Variants in AP2S1 observed in about 807,000 individuals in gnomAD.
The protein encoded by AP2S1 is AP-2 complex subunit sigma.
Under a neutral mutation model 21.0 loss-of-function variants are expected in AP2S1, and 6 were observed. The observed-to-expected ratio is 0.29, with a 90% CI of 0.16 to 0.56. The LOEUF is 0.56. AP2S1 is among the 20% of genes least tolerant of loss of function. AP2S1 has a pLI of 0.92. For synonymous variants in AP2S1, 63 were observed against 74.6 expected, an observed-to-expected ratio of 0.84 and a Z score of 0.80; for missense variants, 60 against 186.2, an observed-to-expected ratio of 0.32 and a Z score of 3.95.
chr19:46,850,003 T>A, intron 1 of AP2S1: 11 of 812,544 alleles, frequency 1.4e-5, no homozygotes, highest in Non-Finnish European at 1.8e-5. Flanking sequence ...AAATCCAATG[T>A]TGAGTCTTTG....
At chr19:46,847,662 G>T (rs578154554) in intron 1 of AP2S1, among the ~76,000 whole-genome samples, 1 of 152,084 alleles carries the variant, frequency 6.6e-6, no homozygotes. Context: ...GGATGTGTCT[G>T]TTCTGGACAT....
chr19:46,839,439 C>CCCCAAAAAACCCAA, intron 3 of AP2S1, 26 bp downstream of exon 3: 2 of 1,569,704 alleles, frequency 1.3e-6, no homozygotes, highest in Non-Finnish European at 1.7e-6. Context: ...CCCGCCTCCC[C>CCCCAAAAAACCCAA]ACCTTACATC....
chr19:46,841,222 G>A (rs2122767833), intron 2 of AP2S1, among the ~76,000 whole-genome samples: 1 of 152,288 alleles, frequency 6.6e-6, no homozygotes, highest in South Asian at 2.1e-4. Flanking sequence ...CCAAAGTGCT[G>A]GGATTACAGG....
In AP2S1 at chr19:46,840,234, G is replaced by T. The variant is rs191360300; in HGVS notation, c.154-656C>A. The stretch of plus-strand genomic sequence containing the variant: ...CAAACATGCCAGGATCAGGGACATG[G>T]ATTCTCATTTTATGCGCGTGTTAAG... On this transcript the variant is annotated intron_variant, in intron 2 of 4. Transcript: ENST00000263270. Among the ~76,000 whole-genome samples, 223 of 152,012 alleles carry T rather than the reference G, an allele frequency of 1.5e-3. 1 individual carries two copies. The highest frequency in any genetic ancestry group is 5.1e-3 in the African/African-American group (212 of 41,440).
chr19:46,844,970 C>T (rs1004039810), intron 2 of AP2S1, among the ~76,000 whole-genome samples: 7 of 151,634 alleles, frequency 4.6e-5, no homozygotes, highest in Admixed American at 2.6e-4. Context: ...GGCGTGGTGG[C>T]GAGCACCTGT....
At chr19:46,841,860 A>G (rs2055527577) in intron 2 of AP2S1, among the ~76,000 whole-genome samples, 1 of 152,180 alleles carries the variant, frequency 6.6e-6, no homozygotes, top group Admixed American at 6.5e-5. Context: ...GGCTGCTAAT[A>G]AAGGAAAGCG....
intron 1 of AP2S1, among the ~76,000 whole-genome samples, chr19:46,849,005 C>G (rs565782372): frequency 3.1e-5 from 4 of 129,772 alleles, no homozygotes; most frequent in African/African-American, 1.2e-4. Context: ...GTCACTGTGC[C>G]CAGCCTTTTT....
chr19:46,850,571 T>G, intron 1 of AP2S1, 193 bp downstream of exon 1: 1 of 634,130 alleles, frequency 1.6e-6, no homozygotes, highest in Non-Finnish European at 2.7e-6. Flanking sequence ...GCGAGACCCC[T>G]GGTAACCCCC....
chr19:46,845,434 TAATTAATTC>T (rs1316975437), intron 2 of AP2S1, among the ~76,000 whole-genome samples: 44 of 150,084 alleles, frequency 2.9e-4, no homozygotes, highest in East Asian at 8.0e-4. Flanking sequence ...ATTAATTAAT[TAATTAATTC>T]AATTCAATCA....
intron 1 of AP2S1, chr19:46,850,001 T>C (rs1322215115): frequency 2.0e-5 from 16 of 792,378 alleles, no homozygotes; most frequent in East Asian, 3.4e-5. Context: ...CTAAATCCAA[T>C]GTTGAGTCTT....
intron 1 of AP2S1, among the ~76,000 whole-genome samples, chr19:46,847,673 T>C (rs2055661341): frequency 1.3e-5 from 2 of 152,138 alleles, no homozygotes; most frequent in African/African-American, 4.8e-5. Flanking sequence ...TTCTGGACAT[T>C]GTATATGAGT....
At chr19:46,841,108 C>G (rs2055513802) in intron 2 of AP2S1, among the ~76,000 whole-genome samples, 1 of 152,002 alleles carries the variant, frequency 6.6e-6, no homozygotes, top group Non-Finnish European at 1.5e-5. Context: ...TGTGCACCAC[C>G]ACGCCTGGCT....
In AP2S1 at chr19:46,846,229, G is replaced by C. The variant is rs1272949720; in HGVS notation, c.4-87C>G. Reference sequence around the variant, plus strand: ...CCCAACGGCCCCACCCATCCACCCAGAGGGGAGATAGGGCTCAGGGCCTCC... The same window carrying C: ...CCCAACGGCCCCACCCATCCACCCACAGGGGAGATAGGGCTCAGGGCCTCC... On this transcript the variant is annotated intron_variant, in intron 1 of 4. Coordinates refer to ENST00000263270, the MANE Select transcript of AP2S1 (RefSeq NM_004069.6). 17 of 1,537,350 alleles carry C rather than the reference G, an allele frequency of 1.1e-5. No homozygotes were observed. The South Asian group carries it at 1.9e-4, about 17-fold the overall frequency.
chr19:46,844,776 G>C (rs557017694), intron 2 of AP2S1, among the ~76,000 whole-genome samples: 1 of 151,726 alleles, frequency 6.6e-6, no homozygotes, highest in African/African-American at 2.4e-5. Flanking sequence ...CTCCCGCCTG[G>C]GTGACAGAAT....
chr19:46,839,219 G>A (rs1362522614), intron 3 of AP2S1, among the ~76,000 whole-genome samples: 2 of 146,746 alleles, frequency 1.4e-5, no homozygotes, highest in African/African-American at 5.0e-5. Context: ...CCTGGGAGGT[G>A]GAGGCTGCAA....
intron 2 of AP2S1, among the ~76,000 whole-genome samples, chr19:46,840,015 T>C (rs1339576296): frequency 1.3e-5 from 2 of 152,080 alleles, no homozygotes; most frequent in Admixed American, 6.6e-5. Context: ...GACAGTCACA[T>C]CCCTTAGCCT....
At chr19:46,840,633 A>T (rs1465472339) in intron 2 of AP2S1, among the ~76,000 whole-genome samples, 1 of 151,968 alleles carries the variant, frequency 6.6e-6, no homozygotes, top group East Asian at 1.9e-4. Flanking sequence ...CTGTCTCAAA[A>T]AACACAAAAA....
chr19:46,841,931 C>G (rs1046114612), intron 2 of AP2S1, among the ~76,000 whole-genome samples: 1 of 152,182 alleles, frequency 6.6e-6, no homozygotes, highest in African/African-American at 2.4e-5. Flanking sequence ...GGGCCTCATG[C>G]CTATCATCCC....
intron 2 of AP2S1, among the ~76,000 whole-genome samples, chr19:46,840,033 A>AT (rs1363815960): frequency 6.6e-6 from 1 of 152,128 alleles, no homozygotes; most frequent in Admixed American, 6.6e-5. Flanking sequence ...CCTGGAATTA[A>AT]TTAACTCAAT....
Sources: gnomAD v4.1 joint callset for allele counts (sites outside exome capture counted in the v4.1 genomes callset) on GRCh38, gnomAD v4.1.1 for gene constraint, MANE v1.5 for transcripts, NCBI Gene and HGNC (gene_info 2026-07-23, HGNC 2026-07-21) for gene names.